TRMT10B: variants seen among roughly 807,000 people sequenced by gnomAD.
The protein encoded by TRMT10B is tRNA methyltransferase 10 homolog B.
A neutral mutation model predicts 43.8 loss-of-function variants in TRMT10B; 33 were observed. The observed-to-expected ratio is 0.75, with a 90% CI of 0.57 to 1.01. The LOEUF is 1.01. TRMT10B is among the 50% of genes least tolerant of loss of function. The pLI is 0.00. For missense variants in TRMT10B, 362 were observed against 369.8 expected (o/e 0.98, Z 0.17); for synonymous variants, 137 against 130.6 (o/e 1.05, Z -0.34).
intron 4 of TRMT10B, among the ~76,000 whole-genome samples, chr9:37,765,899 CTG>C (rs1826934926): frequency 6.8e-6 from 1 of 147,764 alleles, no homozygotes; most frequent in South Asian, 2.1e-4. Context: ...TGAGAAGTGT[CTG>C]TTCATATCCT....
At chr9:37,764,280 C>G (rs144351094) in intron 4 of TRMT10B, among the ~76,000 whole-genome samples, 119 of 150,770 alleles carry the variant, frequency 7.9e-4, no homozygotes, top group Non-Finnish European at 1.4e-3. Context: ...TTCTGAGCAG[C>G]TGGGATTACA....
chr9:37,770,634 A>G, intron 6 of TRMT10B, 38 bp from the exon 7 acceptor site: 1 of 1,559,226 alleles, frequency 6.4e-7, no homozygotes, highest in Non-Finnish European at 8.8e-7. Context: ...GAAATTATAA[A>G]ACAGATTTGA....
chr9:37,768,763 C>T (rs904097960), intron 5 of TRMT10B, among the ~76,000 whole-genome samples: 4 of 152,192 alleles, frequency 2.6e-5, no homozygotes, highest in African/African-American at 9.7e-5. Flanking sequence ...CAGGAAGGTC[C>T]ATGGAAGTGA....
upstream of TRMT10B, among the ~76,000 whole-genome samples, chr9:37,753,027 AT>A (rs1427778751): frequency 6.6e-6 from 1 of 151,686 alleles, no homozygotes; most frequent in Non-Finnish European, 1.5e-5. Flanking sequence ...GAAGATCTGT[AT>A]TTGCAGCTCT....
upstream of TRMT10B, among the ~76,000 whole-genome samples, chr9:37,753,449 C>A (rs1169066066): frequency 6.6e-6 from 1 of 152,198 alleles, no homozygotes; most frequent in Non-Finnish European, 1.5e-5. Flanking sequence ...TTTAAGGTTT[C>A]CTTCGGCAGA....
intron 3 of TRMT10B, 79 bp from the exon 4 acceptor site, chr9:37,763,550 C>A: frequency 7.8e-7 from 1 of 1,273,962 alleles, no homozygotes; most frequent in Non-Finnish European, 1.1e-6. Context: ...TGCAAAATAC[C>A]CACCTGGCTA....
At chr9:37,762,319 C>G (rs980910632) in intron 2 of TRMT10B, among the ~76,000 whole-genome samples, 2 of 151,950 alleles carry the variant, frequency 1.3e-5, no homozygotes, top group African/African-American at 4.8e-5. Flanking sequence ...TTTGATATAC[C>G]CCTGAAGGGT....
At position 37,769,749 on chromosome 9, in the gene TRMT10B, T is replaced by C. The variant is rs570259790; in HGVS notation, c.574-192T>C. 6.6e-5 allele frequency: 38 copies of C among 577,480 alleles called. No homozygotes were observed. The East Asian group carries it at 9.6e-4, about 15-fold the overall frequency. 35.8% of individuals were successfully genotyped at this position (577,480 alleles called of 1,614,324 possible). ...TATTATAGCTGGGACTACAGGCACA[T>C]GCCACCATGCCTGGCTAATTTTTTT... On this transcript the variant is annotated intron_variant, in intron 5 of 8. Transcript: ENST00000297994.
chr9:37,771,259 G>A (rs1564001388), intron 7 of TRMT10B, among the ~76,000 whole-genome samples: 1 of 152,054 alleles, frequency 6.6e-6, no homozygotes, highest in Non-Finnish European at 1.5e-5. Context: ...ATATTACATA[G>A]ATAATAAGTT....
At chr9:37,768,262 A>G in intron 5 of TRMT10B, 34 bp downstream of exon 5, 1 of 1,571,518 alleles carries the variant, frequency 6.4e-7, no homozygotes, top group Non-Finnish European at 8.7e-7. Context: ...TTGAATTGTC[A>G]TCTGAAAAGT....
Position 37,768,208 on chromosome 9 carries a change from G to A in TRMT10B, c.553G>A (p.Asp185Asn). Residue 185 changes from aspartate to asparagine, a missense_variant, in exon 5 of 9, where the codon GAT (aspartate) becomes AAT (asparagine). Asp to Asn is a conservative substitution (Grantham distance 23). Coordinates refer to ENST00000297994, the MANE Select transcript of TRMT10B (RefSeq NM_144964.4). Reference protein sequence around the residue: ...PLYEECVRMNDGFSSYLLDIT... With the variant: ...PLYEECVRMNNGFSSYLLDIT... ...TTATGAAGAGTGTGTGAGGATGAAT[G>A]ATGGATTTTCTAGTTACCTGGTAAG... is the stretch of plus-strand genomic sequence containing the variant. 1.2e-6 allele frequency: 2 copies of A among 1,613,006 alleles called. No individual in the cohort carries two copies. Among genetic ancestry groups the A allele is most frequent in the Non-Finnish European group, 1.7e-6 (2 of 1,179,330 alleles).
chr9:37,764,433 T>G (rs1449378803), intron 4 of TRMT10B, among the ~76,000 whole-genome samples: 3 of 151,544 alleles, frequency 2.0e-5, no homozygotes, highest in Non-Finnish European at 2.9e-5. Flanking sequence ...GCCATTCTTG[T>G]GCCTCAGCCT....
At chr9:37,763,995 A>G (rs1015401528) in intron 4 of TRMT10B, 7 of 525,000 alleles carry the variant, frequency 1.3e-5, no homozygotes, top group South Asian at 2.0e-5. Flanking sequence ...TAAGCCCAAC[A>G]TCTTTGCCTC....
At chr9:37,771,457 G>A (rs1827571968) in intron 7 of TRMT10B, among the ~76,000 whole-genome samples, 1 of 152,034 alleles carries the variant, frequency 6.6e-6, no homozygotes, top group Non-Finnish European at 1.5e-5. Context: ...AGAGGTAGAT[G>A]TGTTCTATCT....
intron 1 of TRMT10B, among the ~76,000 whole-genome samples, chr9:37,759,382 T>C (rs1238148944): frequency 6.6e-6 from 1 of 152,244 alleles, no homozygotes; most frequent in Admixed American, 6.5e-5. Context: ...AAAGAGTACA[T>C]ACTGTTTGCA....
At chr9:37,777,215 AAAAAAAAAAAAAAAAAAT>A in intron 8 of TRMT10B, among the ~76,000 whole-genome samples, 1 of 116,416 alleles carries the variant, frequency 8.6e-6, no homozygotes, top group Non-Finnish European at 1.9e-5. Flanking sequence ...AAAAAAAAAA[AAAAAAAAAAAAAAAAAAT>A]TGTCCCCTTC....
At chr9:37,772,138 G>A (rs1827661505) in intron 7 of TRMT10B, among the ~76,000 whole-genome samples, 1 of 151,952 alleles carries the variant, frequency 6.6e-6, no homozygotes, top group Non-Finnish European at 1.5e-5. Flanking sequence ...CAGCCTCCTG[G>A]GTAGCTGAGA....
chr9:37,777,507 G>C (rs1410501428), intron 8 of TRMT10B, 94 bp from the exon 9 acceptor site: 1 of 1,059,054 alleles, frequency 9.4e-7, no homozygotes, highest in Non-Finnish European at 1.4e-6. Context: ...TGCAGAATAG[G>C]TTTGTTGAAC....
upstream of TRMT10B, chr9:37,753,762 A>T (rs1267316073): frequency 1.3e-5 from 2 of 152,278 alleles, no homozygotes; most frequent in Non-Finnish European, 2.9e-5. Flanking sequence ...CCAGAATGCC[A>T]TTCGGAGCGG....
Sources: allele counts gnomAD v4.1 joint callset (sites outside exome capture counted in the v4.1 genomes callset), GRCh38; gene constraint gnomAD v4.1.1; transcripts MANE v1.5; gene names NCBI Gene and HGNC (gene_info 2026-07-23, HGNC 2026-07-21).